The following GPR139 variants were observed in gnomAD, a reference collection of about 807,000 sequenced individuals.
GPR139 encodes the protein G protein-coupled receptor 139, also known as probable G protein-coupled receptor 139.
In GPR139, 12 loss-of-function variants were observed where a neutral mutation model predicts 25.8. That is an observed-to-expected ratio of 0.47 (90% confidence interval 0.30 to 0.75). The LOEUF (loss-of-function observed/expected upper bound fraction) is 0.75, where lower values mean the gene tolerates loss of function less well. GPR139 is among the 30% of genes least tolerant of loss of function. The probability of loss-of-function intolerance (pLI) is 0.07; values close to 1 mark genes in which losing one functional copy is unlikely to be tolerated. For missense variants in GPR139, 380 were observed against 450.2 expected, an observed-to-expected ratio of 0.84 and a Z score of 1.41; for synonymous variants, 184 against 179.9, an observed-to-expected ratio of 1.02 and a Z score of -0.18.
chr16:20,040,696 C>T (rs2057326632), intron 1 of GPR139, among the ~76,000 whole-genome samples: 1 of 152,160 alleles, frequency 6.6e-6, no homozygotes, highest in Admixed American at 6.5e-5. Context: ...CTCACTCCCT[C>T]TCTCCCTCCC....
At position 20,073,676 on chromosome 16, in the gene GPR139, G is replaced by A. The variant is rs1596473452; in HGVS notation, c.-60C>T. On this transcript the variant is annotated 5_prime_UTR_variant, in exon 1 of 2. Coordinates refer to ENST00000570682, the MANE Select transcript of GPR139 (RefSeq NM_001002911.4). This position sits in a 1 kb window ranked among gnomAD's most constrained non-coding sequence, Gnocchi z 4.7. ...CCGGCCTGCCAGCCCGACTCTGGTC[G>A]CCGGCTCGGTGGTGGCGGCGGCGGA... 3 of 1,490,736 alleles carry A rather than the reference G, an allele frequency of 2.0e-6. No individual in the cohort carries two copies. Among genetic ancestry groups the A allele is most frequent in the South Asian group, 2.7e-5 (2 of 73,608 alleles). The allele number at this position is 1,490,736 out of a possible 1,614,324, so 92.3% of individuals were successfully genotyped here.
chr16:20,043,635 G>A (rs997357667), intron 1 of GPR139, among the ~76,000 whole-genome samples: 12 of 152,270 alleles, frequency 7.9e-5, no homozygotes, highest in Middle Eastern at 6.8e-3. Context: ...TTTCACAAAT[G>A]AGGAAACTGG....
intron 1 of GPR139, among the ~76,000 whole-genome samples, chr16:20,064,118 C>T (rs1428469437): frequency 1.3e-5 from 2 of 152,154 alleles, no homozygotes; most frequent in African/African-American, 4.8e-5. Context: ...AATAATTTTC[C>T]ACCAGGTCAC....
At chr16:20,034,607 A>T (rs2057303572) in intron 1 of GPR139, among the ~76,000 whole-genome samples, 1 of 152,104 alleles carries the variant, frequency 6.6e-6, no homozygotes, top group African/African-American at 2.4e-5. Flanking sequence ...AGATGCAATC[A>T]TGGTGCTTTA....
intron 1 of GPR139, among the ~76,000 whole-genome samples, chr16:20,047,567 G>A (rs902654549): frequency 6.6e-6 from 1 of 152,150 alleles, no homozygotes; most frequent in Non-Finnish European, 1.5e-5. Context: ...ACAATAACAC[G>A]TGACATCGGG....
chr16:20,047,463 A>G (rs1451133203), intron 1 of GPR139, among the ~76,000 whole-genome samples: 9 of 152,226 alleles, frequency 5.9e-5, no homozygotes, highest in Admixed American at 4.6e-4. Context: ...AAGGCCATGT[A>G]TAAACTGCAA....
At chr16:20,049,478 T>C (rs1215131657) in intron 1 of GPR139, among the ~76,000 whole-genome samples, 1 of 152,212 alleles carries the variant, frequency 6.6e-6, no homozygotes, top group Non-Finnish European at 1.5e-5. Context: ...AGTTTTCTCA[T>C]CTGTGCAATG....
At chr16:20,050,917 G>T (rs1004718888) in intron 1 of GPR139, among the ~76,000 whole-genome samples, 1 of 151,952 alleles carries the variant, frequency 6.6e-6, no homozygotes, top group Non-Finnish European at 1.5e-5. Context: ...AAAAAAATTA[G>T]CCAGGTGCAG....
At chr16:20,069,777 C>T (rs569394582) in intron 1 of GPR139, among the ~76,000 whole-genome samples, 1 of 152,256 alleles carries the variant, frequency 6.6e-6, no homozygotes, top group Admixed American at 6.5e-5. Context: ...GCCCACCCAT[C>T]CTCCCTCTCA....
intron 1 of GPR139, among the ~76,000 whole-genome samples, chr16:20,038,823 A>T (rs1247631242): frequency 6.6e-6 from 1 of 152,182 alleles, no homozygotes; most frequent in Non-Finnish European, 1.5e-5. Flanking sequence ...CATATTTAAA[A>T]TTTCTTTCAT....
At chr16:20,053,747 A>C (rs947020651) in intron 1 of GPR139, among the ~76,000 whole-genome samples, 1 of 152,212 alleles carries the variant, frequency 6.6e-6, no homozygotes, top group African/African-American at 2.4e-5. Flanking sequence ...GCAGAAAATT[A>C]AAATATCTGC....
chr16:20,038,176 C>T (rs930999082), intron 1 of GPR139, among the ~76,000 whole-genome samples: 1 of 151,984 alleles, frequency 6.6e-6, no homozygotes, highest in Non-Finnish European at 1.5e-5. Flanking sequence ...CCTCTTTTTC[C>T]CCCCCATCCA....
chr16:20,050,998 G>A (rs1055119467), intron 1 of GPR139, among the ~76,000 whole-genome samples: 4 of 147,574 alleles, frequency 2.7e-5, no homozygotes, highest in Admixed American at 6.9e-5. Context: ...AAGAGGTCAA[G>A]GCTGCAGTGA....
intron 1 of GPR139, among the ~76,000 whole-genome samples, chr16:20,061,097 C>T (rs917971109): frequency 1.3e-5 from 2 of 151,674 alleles, no homozygotes; most frequent in Non-Finnish European, 2.9e-5. Context: ...TGTGTAAATG[C>T]CACAAGGGCA....
At chr16:20,057,679 C>A (rs1355123994) in intron 1 of GPR139, among the ~76,000 whole-genome samples, 1 of 151,986 alleles carries the variant, frequency 6.6e-6, no homozygotes. Context: ...CCAAGGCCCA[C>A]CAGAGGACCC....
intron 1 of GPR139, among the ~76,000 whole-genome samples, chr16:20,055,556 A>C (rs1034491033): frequency 6.6e-5 from 10 of 152,214 alleles, no homozygotes; most frequent in African/African-American, 1.4e-4. Context: ...CCTCATTAAC[A>C]ATTTCAACCT....
chr16:20,032,346 T>G lies in GPR139; in HGVS notation c.451A>C (p.Ser151Arg), dbSNP rs756668514. 6.2e-7 allele frequency: 1 copy of G among 1,614,190 alleles called. No individual in the cohort carries two copies. Among genetic ancestry groups the G allele is most frequent in the Non-Finnish European group, 8.5e-7 (1 of 1,180,020 alleles). The change falls in exon 2 of 2, where the codon AGT (serine) becomes CGT (arginine). Residue 151 changes from serine to arginine, a missense_variant. Coordinates refer to ENST00000570682, the MANE Select transcript of GPR139 (RefSeq NM_001002911.4). ...GTCAGGAAGCAGGTGATGTAAACAC[T>G]TACAATGACTTTCCGGGTGCGGGCT... ...YPARTRKVIVSVYITCFLTSI... is the reference protein window; with the variant it reads ...YPARTRKVIVRVYITCFLTSI...
At chr16:20,052,169 T>C (rs1375713783) in intron 1 of GPR139, among the ~76,000 whole-genome samples, 1 of 152,168 alleles carries the variant, frequency 6.6e-6, no homozygotes, top group African/African-American at 2.4e-5. Flanking sequence ...CTTCTAACAC[T>C]TCCCCCATCC....
At chr16:20,032,764 A>T (rs955485060) in intron 1 of GPR139, 95 bp from the exon 2 acceptor site, 1 of 804,812 alleles carries the variant, frequency 1.2e-6, no homozygotes, top group Non-Finnish European at 2.0e-6. Flanking sequence ...TTGCACTCCC[A>T]TGGAAGTGAA....
Sources: gnomAD v4.1 joint callset for allele counts (sites outside exome capture counted in the v4.1 genomes callset) on GRCh38, gnomAD v4.1.1 for gene constraint, Gnocchi (gnomAD v3.1) non-coding constraint, MANE v1.5 for transcripts, NCBI Gene and HGNC (gene_info 2026-07-23, HGNC 2026-07-21) for gene names.